The following DNM3 variants were observed in gnomAD, a reference collection of about 807,000 sequenced individuals.
DNM3 encodes the protein dynamin-3.
A neutral mutation model predicts 101.6 loss-of-function variants in DNM3; 47 were observed. That is an observed-to-expected ratio of 0.46 (90% CI 0.37 to 0.59). The LOEUF (loss-of-function observed/expected upper bound fraction) is 0.59, where lower values mean the gene tolerates loss of function less well. DNM3 is among the 20% of genes least tolerant of loss of function. The pLI is 0.00. For synonymous variants in DNM3, 385 were observed against 387.9 expected, an observed-to-expected ratio of 0.99 and a Z score of 0.09; for missense variants, 849 against 1,085.7, an observed-to-expected ratio of 0.78 and a Z score of 3.06.
chr1:171,953,590 G>T (rs953187590), intron 2 of DNM3, among the ~76,000 whole-genome samples: 1 of 151,646 alleles, frequency 6.6e-6, no homozygotes, highest in African/African-American at 2.4e-5. Context: ...ATGATGCTTG[G>T]CTAATTTTTT....
chr1:172,092,750 T>C (rs2053997819), intron 12 of DNM3, 74 bp from the exon 13 acceptor site: 1 of 1,424,058 alleles, frequency 7.0e-7, no homozygotes, highest in Non-Finnish European at 9.5e-7. Context: ...CCTGTATAAA[T>C]TTTAGTATTT....
intron 14 of DNM3, among the ~76,000 whole-genome samples, chr1:172,226,438 A>C (rs981104967): frequency 6.6e-6 from 1 of 152,216 alleles, no homozygotes; most frequent in African/African-American, 2.4e-5. Context: ...TTTCCACATC[A>C]GGACATATTG....
chr1:171,977,783 A>C (rs1049760681), intron 2 of DNM3, among the ~76,000 whole-genome samples: 1 of 152,190 alleles, frequency 6.6e-6, no homozygotes, highest in Non-Finnish European at 1.5e-5. Context: ...TTAAGGTTGC[A>C]TCTGCCCAAG....
chr1:172,368,003 T>C (rs2068115541), intron 17 of DNM3, among the ~76,000 whole-genome samples: 1 of 151,842 alleles, frequency 6.6e-6, no homozygotes, highest in African/African-American at 2.4e-5. Context: ...TTCTTGCTGC[T>C]GCCATGTGAG....
At chr1:172,123,213 C>T (rs915199861) in intron 13 of DNM3, among the ~76,000 whole-genome samples, 2 of 152,118 alleles carry the variant, frequency 1.3e-5, no homozygotes, top group African/African-American at 4.8e-5. Flanking sequence ...CAAAGAAAAA[C>T]AATCTTTCAT....
At chr1:172,268,274 T>TAA (rs369755878) in intron 15 of DNM3, among the ~76,000 whole-genome samples, 140 of 136,658 alleles carry the variant, frequency 1.0e-3, no homozygotes, top group African/African-American at 2.8e-3. Flanking sequence ...AGCAAGTCAG[T>TAA]AAAAAAAAAA....
intron 15 of DNM3, among the ~76,000 whole-genome samples, chr1:172,296,785 T>G (rs73044902): frequency 0.14 from 21,754 of 152,182 alleles, 2,742 homozygotes; most frequent in African/African-American, 0.34. Context: ...CTAAGTTATT[T>G]GTAGTACTGA....
At chr1:172,058,651 G>A (rs927533910) in intron 10 of DNM3, among the ~76,000 whole-genome samples, 20 of 152,084 alleles carry the variant, frequency 1.3e-4, no homozygotes, top group Non-Finnish European at 2.6e-4. Context: ...AACCAAGGAG[G>A]ACAAAGACAC....
chr1:172,320,560 C>T (rs1178969779), intron 16 of DNM3, among the ~76,000 whole-genome samples: 1 of 152,126 alleles, frequency 6.6e-6, no homozygotes, highest in Admixed American at 6.5e-5. Context: ...TGTTCTTACT[C>T]ATAAGAGGGA....
At chr1:172,291,444 G>T (rs2063913007) in intron 15 of DNM3, among the ~76,000 whole-genome samples, 1 of 152,170 alleles carries the variant, frequency 6.6e-6, no homozygotes, top group African/African-American at 2.4e-5. Flanking sequence ...TCAGTTGAAG[G>T]TTTGGCCTTC....
At chr1:172,310,171 G>A (rs549014026) in intron 16 of DNM3, 1 of 152,208 alleles carries the variant, frequency 6.6e-6, no homozygotes. Context: ...TTAAACATCA[G>A]AGTACCACTT....
intron 20 of DNM3, among the ~76,000 whole-genome samples, chr1:172,396,889 C>A (rs1277549303): frequency 6.6e-6 from 1 of 152,102 alleles, no homozygotes; most frequent in Non-Finnish European, 1.5e-5. Context: ...CTTTTAAAGG[C>A]ATTTCGCAGT....
chr1:172,374,512 G>GT (rs1055938237), intron 17 of DNM3, among the ~76,000 whole-genome samples: 21 of 151,816 alleles, frequency 1.4e-4, no homozygotes, highest in Non-Finnish European at 2.5e-4. Context: ...GTTGTGTGTG[G>GT]TTTTTTTGGT....
intron 14 of DNM3, among the ~76,000 whole-genome samples, chr1:172,171,049 T>C (rs577766036): frequency 1.3e-5 from 2 of 151,890 alleles, no homozygotes; most frequent in East Asian, 3.9e-4. Flanking sequence ...GCTGGTCTTG[T>C]TTGTTTGCTC....
chr1:172,308,845 T>G lies in DNM3; in HGVS notation c.1881+6T>G. The G allele has an allele frequency of 6.5e-7, 1 of 1,530,264 alleles. No individual in the cohort carries two copies. Among genetic ancestry groups the G allele is most frequent in the Non-Finnish European group, 9.0e-7 (1 of 1,109,302 alleles). The allele number at this position is 1,530,264 out of a possible 1,614,324, so 94.8% of individuals were successfully genotyped here. A position where few individuals can be genotyped will look rare whatever the true frequency, so the allele number is the denominator to read the frequency against. On this transcript the variant is annotated splice_donor_region_variant and intron_variant, in intron 16 of 20. Transcript: ENST00000627582. ...TCTATCCTGACAAATCTGTAGTAAG[T>G]TGGATATATCTCTTATGTAAAAATT...
intron 14 of DNM3, among the ~76,000 whole-genome samples, chr1:172,193,228 T>C (rs1295594391): frequency 6.6e-6 from 1 of 152,162 alleles, no homozygotes; most frequent in African/African-American, 2.4e-5. Context: ...TGGGGGTGGA[T>C]AAGCTTTTTG....
In DNM3 at chr1:172,412,579, T is replaced by C; in HGVS notation, c.*4738T>C. 1.0e-6 allele frequency: 1 copy of C among 985,874 alleles called. No individual in the cohort carries two copies. The highest frequency in any genetic ancestry group is 1.2e-6 in the Non-Finnish European group (1 of 829,934). The allele number at this position is 985,874 out of a possible 1,614,324, so 61.1% of individuals were successfully genotyped here. On this transcript the variant is annotated 3_prime_UTR_variant, in exon 21 of 21. Coordinates refer to ENST00000627582, the MANE Select transcript of DNM3 (RefSeq NM_015569.5). ...TCTTGGCACTTTCAGGATTTCTTAATGCTGATATATGGACTCTTAGAATGG... is the reference window on the plus strand; with the variant it reads ...TCTTGGCACTTTCAGGATTTCTTAACGCTGATATATGGACTCTTAGAATGG...
At chr1:171,869,849 G>A (rs1469611155) in intron 1 of DNM3, among the ~76,000 whole-genome samples, 1 of 152,172 alleles carries the variant, frequency 6.6e-6, no homozygotes, top group African/African-American at 2.4e-5. Flanking sequence ...AGTTAAAAGT[G>A]GAGACTGAAA....
chr1:172,319,030 C>A (rs1391805962), intron 16 of DNM3, among the ~76,000 whole-genome samples: 1 of 151,726 alleles, frequency 6.6e-6, no homozygotes, highest in African/African-American at 2.4e-5. Flanking sequence ...GTACTGGTAC[C>A]AAAACAGAGA....
Sources: allele counts gnomAD v4.1 joint callset (sites outside exome capture counted in the v4.1 genomes callset), GRCh38; gene constraint gnomAD v4.1.1; transcripts MANE v1.5; gene names NCBI Gene and HGNC (gene_info 2026-07-23, HGNC 2026-07-21).